Variants in CMC1 observed in about 807,000 individuals in gnomAD.
CMC1 encodes COX assembly mitochondrial protein homolog.
A neutral mutation model predicts 14.1 loss-of-function variants in CMC1; 14 were observed. The ratio of observed to expected loss-of-function variants is 0.99; its 90% CI spans 0.66 to 1.55. The LOEUF (loss-of-function observed/expected upper bound fraction) is 1.55, where lower values mean the gene tolerates loss of function less well. Ranked by LOEUF, CMC1 falls within the 40% of genes most tolerant of loss-of-function variation. The pLI, the probability that CMC1 is intolerant of heterozygous loss-of-function variation, is 0.00. For synonymous variants in CMC1, 50 were observed against 38.4 expected (o/e 1.30, Z -1.12); for missense variants, 127 against 123.8 (o/e 1.03, Z -0.12).
Position 28,317,382 on chromosome 3 carries a change from G to A in CMC1, c.200+959G>A, listed in dbSNP as rs577025798. The A allele has an allele frequency of 8.6e-5, 13 of 151,734 alleles. No homozygotes were observed. In the South Asian group the frequency reaches 2.7e-3, roughly 32 times the overall value. The allele number at this position is 151,734 out of a possible 1,614,324, so 9.4% of individuals were successfully genotyped here. ...AATATCAAAGCAGCCCTTATTTATG[G>A]TCCAGGTATTGTACTCAGTGCTTTA... is the stretch of plus-strand genomic sequence containing the variant. On this transcript the variant is annotated intron_variant, in intron 3 of 3. Coordinates refer to ENST00000466830, the MANE Select transcript of CMC1 (RefSeq NM_182523.2).
At chr3:28,313,191 C>T (rs989397890) in intron 2 of CMC1, among the ~76,000 whole-genome samples, 1 of 152,038 alleles carries the variant, frequency 6.6e-6, no homozygotes, top group Non-Finnish European at 1.5e-5. Flanking sequence ...TATGATATTA[C>T]GTGGTTTCTT....
At chr3:28,313,600 G>A (rs1391058114) in intron 2 of CMC1, among the ~76,000 whole-genome samples, 3 of 152,136 alleles carry the variant, frequency 2.0e-5, no homozygotes, top group Non-Finnish European at 4.4e-5. Context: ...TTAAAATCTT[G>A]TTGCTAAACA....
At chr3:28,305,658 G>A (rs1013594680) in intron 2 of CMC1, among the ~76,000 whole-genome samples, 4 of 151,950 alleles carry the variant, frequency 2.6e-5, no homozygotes, top group Admixed American at 1.3e-4. Context: ...CTTTTGCAGG[G>A]CAGAAGCTCT....
chr3:28,282,278 G>A (rs1272946367), intron 2 of CMC1, among the ~76,000 whole-genome samples: 2 of 152,212 alleles, frequency 1.3e-5, no homozygotes. Flanking sequence ...AACCATGTGT[G>A]TTTGCTAGAA....
chr3:28,301,183 A>G lies in CMC1; in HGVS notation c.110-15150A>G, dbSNP rs141265923. Among the ~76,000 whole-genome samples, 99 of 152,190 alleles carry G rather than the reference A, an allele frequency of 6.5e-4. 1 individual carries two copies. Among genetic ancestry groups the G allele is most frequent in the African/African-American group, 2.2e-3 (92 of 41,556 alleles). ...GACAAGATGAGGAATGGCTAATAAT[A>G]TGTTATTCTTTTCATGATTCCTTAC... On this transcript the variant is annotated intron_variant, in intron 2 of 3. Transcript: ENST00000466830.
At chr3:28,251,209 G>C (rs953330940) in intron 1 of CMC1, among the ~76,000 whole-genome samples, 14 of 152,282 alleles carry the variant, frequency 9.2e-5, no homozygotes, top group African/African-American at 2.9e-4. Flanking sequence ...TGCTGTGTCA[G>C]AACATGGCAG....
chr3:28,246,140 C>A (rs890878243), intron 1 of CMC1, among the ~76,000 whole-genome samples: 1 of 151,366 alleles, frequency 6.6e-6, no homozygotes, highest in African/African-American at 2.4e-5. Context: ...GCCGCCATAT[C>A]TCTAGAGTAT....
intron 2 of CMC1, among the ~76,000 whole-genome samples, chr3:28,269,651 T>C (rs1354251505): frequency 2.0e-5 from 3 of 152,084 alleles, no homozygotes; most frequent in East Asian, 1.9e-4. Flanking sequence ...CTGCAACCAC[T>C]GCCTCCTGGG....
At chr3:28,271,834 C>A (rs139641067) in intron 2 of CMC1, among the ~76,000 whole-genome samples, 4 of 152,172 alleles carry the variant, frequency 2.6e-5, no homozygotes, top group Non-Finnish European at 5.9e-5. Flanking sequence ...GCCATTTTCA[C>A]GACATTGATT....
chr3:28,266,339 A>G (rs1231543487), intron 2 of CMC1, among the ~76,000 whole-genome samples: 8 of 152,196 alleles, frequency 5.3e-5, no homozygotes, highest in Non-Finnish European at 8.8e-5. Flanking sequence ...TATAAGTTCC[A>G]GTAACTATGC....
Position 28,324,158 on chromosome 3 carries a change from G to A in CMC1, c.*4529G>A. ...CCAAATGCTGTCTCACTTGATTTAGGAGGACTTGGAAATACCCAGGAATTG... is the reference window on the plus strand; with the variant it reads ...CCAAATGCTGTCTCACTTGATTTAGAAGGACTTGGAAATACCCAGGAATTG... On this transcript the variant is annotated 3_prime_UTR_variant, in exon 4 of 4. Transcript: ENST00000466830. 6.2e-7 allele frequency: 1 copy of A among 1,610,664 alleles called. No homozygotes were observed. The highest frequency in any genetic ancestry group is 8.5e-7 in the Non-Finnish European group (1 of 1,177,624).
At chr3:28,278,345 G>A (rs999491496) in intron 2 of CMC1, among the ~76,000 whole-genome samples, 5 of 152,138 alleles carry the variant, frequency 3.3e-5, no homozygotes, top group Admixed American at 2.6e-4. Flanking sequence ...TAACTTTGAA[G>A]TGTCTTATTA....
chr3:28,308,273 A>T (rs557861670), intron 2 of CMC1, among the ~76,000 whole-genome samples: 2 of 148,996 alleles, frequency 1.3e-5, no homozygotes, highest in East Asian at 1.9e-4. Flanking sequence ...TGAAAGCTTT[A>T]AAAAAAAAAG....
intron 2 of CMC1, chr3:28,294,615 T>C (rs1470924260): frequency 5.1e-6 from 1 of 196,680 alleles, no homozygotes; most frequent in Admixed American, 6.5e-5. Context: ...TGGAAACTCA[T>C]GTAGGCAAGT....
In CMC1 at chr3:28,241,829, C is replaced by T; in HGVS notation, c.19+17C>T. ...ACCCCGCAGGTACCGGGGCGGGAAG[C>T]GGGGTTTGCCGAGGGGCCTCGCCCC... On this transcript the variant is annotated intron_variant, in intron 1 of 3. Coordinates refer to ENST00000466830, the MANE Select transcript of CMC1 (RefSeq NM_182523.2). 1 of 1,237,626 alleles carries T rather than the reference C, an allele frequency of 8.1e-7. No homozygotes were observed. The allele number at this position is 1,237,626 out of a possible 1,614,324, so 76.7% of individuals were successfully genotyped here. A position where few individuals can be genotyped will look rare whatever the true frequency, so the allele number is the denominator to read the frequency against.
chr3:28,264,616 A>G (rs987191680), intron 2 of CMC1, among the ~76,000 whole-genome samples: 1 of 152,160 alleles, frequency 6.6e-6, no homozygotes, highest in African/African-American at 2.4e-5. Flanking sequence ...TGACACCTGC[A>G]GGTAGTGCAT....
At chr3:28,294,670 G>A (rs1422819993) in intron 2 of CMC1, 3 of 154,444 alleles carry the variant, frequency 1.9e-5, no homozygotes, top group South Asian at 2.1e-4. Context: ...TAAATTTGCT[G>A]TATTTCAGTC....
At chr3:28,280,242 C>T (rs1001905889) in intron 2 of CMC1, among the ~76,000 whole-genome samples, 12 of 152,002 alleles carry the variant, frequency 7.9e-5, no homozygotes, top group African/African-American at 2.4e-4. Context: ...AGTTGCACTA[C>T]GTGGGAGTGG....
intron 1 of CMC1, among the ~76,000 whole-genome samples, chr3:28,243,414 G>C (rs1325642883): frequency 1.3e-5 from 2 of 152,158 alleles, no homozygotes; most frequent in Non-Finnish European, 2.9e-5. Context: ...CGGATGAGGA[G>C]ACTGAGAATG....
Sources: allele counts gnomAD v4.1 joint callset (sites outside exome capture counted in the v4.1 genomes callset), GRCh38; gene constraint gnomAD v4.1.1; transcripts MANE v1.5; gene names NCBI Gene and HGNC (gene_info 2026-07-23, HGNC 2026-07-21).